COLEC10: variants seen among roughly 807,000 people sequenced by gnomAD.
COLEC10 encodes the protein collectin-10.
COLEC10 carries 22 observed loss-of-function variants against 28.4 expected under a neutral mutation model. The observed-to-expected ratio is 0.78, with a 90% CI of 0.55 to 1.11. COLEC10 has a LOEUF of 1.11. Among genes scored for constraint, COLEC10 ranks in the 50% least tolerant of loss-of-function variants. The pLI is 0.00. For synonymous variants in COLEC10, 125 were observed against 116.1 expected (o/e 1.08, Z -0.49); for missense variants, 361 against 344.1 (o/e 1.05, Z -0.39).
At chr8:119,012,642 T>C (rs1813920783) in intron 2 of COLEC10, among the ~76,000 whole-genome samples, 1 of 150,878 alleles carries the variant, frequency 6.6e-6, no homozygotes, top group Non-Finnish European at 1.5e-5. Flanking sequence ...TAATTCAATT[T>C]ATATAATAGA....
intron 3 of COLEC10, among the ~76,000 whole-genome samples, chr8:119,095,718 CA>C (rs1301051460): frequency 2.0e-5 from 3 of 151,800 alleles, no homozygotes; most frequent in Non-Finnish European, 4.4e-5. Flanking sequence ...AAAAACAAAG[CA>C]AAACAAACAA....
At chr8:119,021,358 CATT>C (rs1814088744) in intron 2 of COLEC10, among the ~76,000 whole-genome samples, 1 of 152,150 alleles carries the variant, frequency 6.6e-6, no homozygotes, top group Admixed American at 6.5e-5. Context: ...CAGGTCCTCT[CATT>C]CATCATAGAA....
chr8:119,101,651 C>T (rs747152772), intron 3 of COLEC10, among the ~76,000 whole-genome samples: 7 of 152,158 alleles, frequency 4.6e-5, no homozygotes, highest in Non-Finnish European at 7.4e-5. Context: ...CACTTCACTT[C>T]TAAAAATTGT....
chr8:119,085,608 T>C (rs1587052897), intron 1 of COLEC10, among the ~76,000 whole-genome samples: 2 of 92,210 alleles, frequency 2.2e-5, no homozygotes, highest in African/African-American at 9.4e-5. Flanking sequence ...TCTTTTTTTT[T>C]TTTTTTTTTT....
intron 2 of COLEC10, among the ~76,000 whole-genome samples, chr8:119,022,936 G>C (rs1490053965): frequency 1.3e-5 from 2 of 152,042 alleles, no homozygotes; most frequent in African/African-American, 4.8e-5. Flanking sequence ...GGCTCAGTCT[G>C]AGCTCCTTGA....
At chr8:118,959,941 T>C in the COLEC10 span, among the ~76,000 whole-genome samples, 1 of 152,196 alleles carries the variant, frequency 6.6e-6, no homozygotes, top group African/African-American at 2.4e-5. Flanking sequence ...GGCATAATGA[T>C]GTGAGTATGG....
At chr8:119,088,803 A>T (rs548125562) in intron 1 of COLEC10, among the ~76,000 whole-genome samples, 1 of 152,210 alleles carries the variant, frequency 6.6e-6, no homozygotes, top group Non-Finnish European at 1.5e-5. Flanking sequence ...AGCATAAAGG[A>T]AAGAAAAACA....
chr8:118,953,479 A>G, the COLEC10 span, among the ~76,000 whole-genome samples: 1 of 152,232 alleles, frequency 6.6e-6, no homozygotes, highest in Admixed American at 6.5e-5. Flanking sequence ...TTCTCAGAAC[A>G]TAAAATGATG....
the COLEC10 span, among the ~76,000 whole-genome samples, chr8:118,981,212 C>A: frequency 2.0e-5 from 3 of 151,988 alleles, no homozygotes; most frequent in Non-Finnish European, 2.9e-5. Flanking sequence ...CTGCAACAAA[C>A]AAAACATATC....
At chr8:119,070,852 G>A (rs1201573996) in intron 1 of COLEC10, among the ~76,000 whole-genome samples, 1 of 152,082 alleles carries the variant, frequency 6.6e-6, no homozygotes, top group Non-Finnish European at 1.5e-5. Flanking sequence ...CAATTTTCAA[G>A]GACCTTTAAA....
At chr8:119,042,021 G>A (rs947300111) in intron 2 of COLEC10, among the ~76,000 whole-genome samples, 2 of 151,502 alleles carry the variant, frequency 1.3e-5, no homozygotes, top group East Asian at 1.9e-4. Context: ...TTTTCGAGAC[G>A]GAGTCTTTCC....
At chr8:119,003,293 T>C (rs539882607) in intron 1 of COLEC10, among the ~76,000 whole-genome samples, 1 of 152,102 alleles carries the variant, frequency 6.6e-6, no homozygotes, top group Non-Finnish European at 1.5e-5. Flanking sequence ...TCAGAAACTA[T>C]GTGGATGGAA....
At chr8:119,051,017 A>G (rs1332092494) in intron 2 of COLEC10, among the ~76,000 whole-genome samples, 1 of 152,198 alleles carries the variant, frequency 6.6e-6, no homozygotes, top group East Asian at 1.9e-4. Flanking sequence ...TTTTAAATGA[A>G]TTAGTCCTTA....
intron 3 of COLEC10, among the ~76,000 whole-genome samples, chr8:119,099,103 A>G (rs1287629202): frequency 6.6e-6 from 1 of 152,030 alleles, no homozygotes; most frequent in Non-Finnish European, 1.5e-5. Context: ...AAGGTCAATA[A>G]TCCATTTACG....
At chr8:119,018,795 TG>T (rs1814037800) in intron 2 of COLEC10, among the ~76,000 whole-genome samples, 1 of 152,162 alleles carries the variant, frequency 6.6e-6, no homozygotes, top group African/African-American at 2.4e-5. Context: ...CCCTTTAGCA[TG>T]GAGATTATGT....
chr8:118,984,381 G>A, the COLEC10 span, among the ~76,000 whole-genome samples: 957 of 152,080 alleles, frequency 6.3e-3, 9 homozygotes, highest in Non-Finnish European at 8.8e-3. Flanking sequence ...CAACTATTGC[G>A]TACTAGGCTT....
intron 1 of COLEC10, among the ~76,000 whole-genome samples, chr8:119,087,573 A>G (rs2130273165): frequency 6.6e-6 from 1 of 152,254 alleles, no homozygotes; most frequent in East Asian, 1.9e-4. Context: ...CCAAGGATAC[A>G]TTTCCTGTGA....
chr8:118,981,491 T>A, the COLEC10 span, among the ~76,000 whole-genome samples: 2 of 152,134 alleles, frequency 1.3e-5, no homozygotes, highest in African/African-American at 4.8e-5. Flanking sequence ...TTTAATAAAA[T>A]GTATATTTTA....
chr8:119,100,543 G>A (rs1356345431), intron 3 of COLEC10, among the ~76,000 whole-genome samples: 5 of 152,264 alleles, frequency 3.3e-5, no homozygotes, highest in African/African-American at 4.8e-5. Context: ...CAGGGTGCTC[G>A]ACATATGCTC....
Sources: allele counts gnomAD v4.1 joint callset (sites outside exome capture counted in the v4.1 genomes callset), GRCh38; gene constraint gnomAD v4.1.1; transcripts MANE v1.5; gene names NCBI Gene and HGNC (gene_info 2026-07-23, HGNC 2026-07-21).